Variants in CSMD1 observed in about 807,000 individuals in gnomAD.
CSMD1 encodes the protein CUB and Sushi multiple domains 1.
A neutral mutation model predicts 417.5 loss-of-function variants in CSMD1; 213 were observed. That is an observed-to-expected ratio of 0.51 (90% CI 0.46 to 0.57). CSMD1 has a LOEUF of 0.57. Among genes scored for constraint, CSMD1 ranks in the 20% least tolerant of loss-of-function variants. CSMD1 has a pLI of 0.00. For missense variants in CSMD1, 6,923 were observed against 4,529.7 expected (o/e 1.53, Z -15.17); for synonymous variants, 2,862 against 1,736.8 (o/e 1.65, Z -16.11).
At chr8:3,038,927 GT>G (rs1173705224) in intron 50 of CSMD1, among the ~76,000 whole-genome samples, 20 of 152,292 alleles carry the variant, frequency 1.3e-4, no homozygotes, top group African/African-American at 4.8e-4. Flanking sequence ...AAAACCAGCA[GT>G]TGGCATCTGA....
At chr8:3,505,130 A>G (rs1289419815) in intron 10 of CSMD1, among the ~76,000 whole-genome samples, 1 of 152,206 alleles carries the variant, frequency 6.6e-6, no homozygotes, top group Non-Finnish European at 1.5e-5. Context: ...AGATTTCAGT[A>G]AATTATTGAA....
chr8:3,286,195 A>C (rs1288778367), intron 25 of CSMD1, among the ~76,000 whole-genome samples: 1 of 152,204 alleles, frequency 6.6e-6, no homozygotes, highest in Non-Finnish European at 1.5e-5. Context: ...CATGGCGTAT[A>C]TGTGCTACAA....
chr8:4,314,166 A>T (rs1418766574), intron 3 of CSMD1, among the ~76,000 whole-genome samples: 2 of 152,146 alleles, frequency 1.3e-5, no homozygotes, highest in Non-Finnish European at 2.9e-5. Context: ...TAAAGGCTTA[A>T]AAGCATCTCA....
chr8:4,687,016 C>A (rs201106390), intron 1 of CSMD1, among the ~76,000 whole-genome samples: 1 of 152,188 alleles, frequency 6.6e-6, no homozygotes, highest in Non-Finnish European at 1.5e-5. Context: ...CACATGGCAC[C>A]AGCCAGCGAA....
chr8:3,887,190 G>A (rs768554560), intron 5 of CSMD1, among the ~76,000 whole-genome samples: 10 of 152,074 alleles, frequency 6.6e-5, no homozygotes, highest in East Asian at 3.9e-4. Context: ...GTGTTCAAGC[G>A]CCCAGAGGCA....
chr8:3,807,353 T>C (rs972658105), intron 5 of CSMD1, among the ~76,000 whole-genome samples: 1 of 152,088 alleles, frequency 6.6e-6, no homozygotes, highest in Non-Finnish European at 1.5e-5. Context: ...TAATAGAAAG[T>C]GATTAATCTG....
chr8:4,846,808 T>A (rs919197426), intron 1 of CSMD1, among the ~76,000 whole-genome samples: 6 of 152,330 alleles, frequency 3.9e-5, no homozygotes, highest in African/African-American at 1.4e-4. Flanking sequence ...CAAATGTGTT[T>A]GCAAAACTAT....
chr8:4,918,215 C>T (rs774920799), intron 1 of CSMD1, among the ~76,000 whole-genome samples: 1 of 152,130 alleles, frequency 6.6e-6, no homozygotes, highest in African/African-American at 2.4e-5. Flanking sequence ...TGATGCTGAT[C>T]GAGGGATCAA....
At chr8:3,464,001 A>G (rs547785738) in intron 12 of CSMD1, among the ~76,000 whole-genome samples, 40 of 152,246 alleles carry the variant, frequency 2.6e-4, no homozygotes, top group Non-Finnish European at 5.0e-4. Flanking sequence ...TCTTGTATGA[A>G]ATGGTGATGC....
chr8:4,222,981 G>T (rs747175346), intron 3 of CSMD1, among the ~76,000 whole-genome samples: 1 of 152,122 alleles, frequency 6.6e-6, no homozygotes, highest in Non-Finnish European at 1.5e-5. Flanking sequence ...TTGAGAAGCT[G>T]AAGTTAGATT....
intron 11 of CSMD1, among the ~76,000 whole-genome samples, chr8:3,490,749 G>T (rs768593060): frequency 1.3e-5 from 2 of 152,104 alleles, no homozygotes; most frequent in Non-Finnish European, 2.9e-5. Flanking sequence ...CTGTAGTGCT[G>T]TTCCCAACCC....
chr8:4,904,307 T>TA (rs1356553819), intron 1 of CSMD1, among the ~76,000 whole-genome samples: 21 of 152,368 alleles, frequency 1.4e-4, no homozygotes, highest in Admixed American at 1.2e-3. Flanking sequence ...TATTTCCCAT[T>TA]AAAAAATCAA....
At chr8:3,963,875 G>A (rs1585042762) in intron 5 of CSMD1, among the ~76,000 whole-genome samples, 1 of 152,188 alleles carries the variant, frequency 6.6e-6, no homozygotes, top group Non-Finnish European at 1.5e-5. Flanking sequence ...AGGTATAGAT[G>A]TTAACTGACA....
chr8:3,919,771 G>C (rs996977583), intron 5 of CSMD1, among the ~76,000 whole-genome samples: 16 of 151,996 alleles, frequency 1.1e-4, no homozygotes, highest in African/African-American at 3.9e-4. Context: ...AGGAACACAA[G>C]CTATCTTTCC....
chr8:3,413,624 A>G (rs888664238), intron 12 of CSMD1, among the ~76,000 whole-genome samples: 8 of 152,202 alleles, frequency 5.3e-5, no homozygotes, highest in Non-Finnish European at 1.0e-4. Flanking sequence ...TGGGGGAACT[A>G]TCTTGGAATA....
intron 10 of CSMD1, among the ~76,000 whole-genome samples, chr8:3,525,568 G>C (rs999674678): frequency 3.3e-5 from 5 of 152,134 alleles, no homozygotes; most frequent in South Asian, 4.1e-4. Flanking sequence ...TGACAGTTCA[G>C]GGAACAAGCA....
intron 3 of CSMD1, among the ~76,000 whole-genome samples, chr8:4,160,982 A>T (rs1400293213): frequency 2.0e-5 from 3 of 152,200 alleles, no homozygotes; most frequent in Non-Finnish European, 4.4e-5. Flanking sequence ...ATTGTTAATT[A>T]TTCTTTGGTG....
intron 5 of CSMD1, among the ~76,000 whole-genome samples, chr8:3,869,692 A>G (rs894096980): frequency 3.3e-5 from 5 of 152,116 alleles, no homozygotes; most frequent in African/African-American, 1.2e-4. Context: ...AGGTGCGCGC[A>G]GCCAGGAGCA....
intron 1 of CSMD1, among the ~76,000 whole-genome samples, chr8:4,903,830 A>T (rs972969114): frequency 6.6e-6 from 1 of 152,168 alleles, no homozygotes; most frequent in Non-Finnish European, 1.5e-5. Context: ...TCAAATGGCC[A>T]AGAAGTACTT....
Sources: allele counts gnomAD v4.1 joint callset (sites outside exome capture counted in the v4.1 genomes callset), GRCh38; gene constraint gnomAD v4.1.1; transcripts MANE v1.5; gene names NCBI Gene and HGNC (gene_info 2026-07-23, HGNC 2026-07-21).